Variants in RERE observed in about 807,000 individuals in gnomAD.
RERE encodes the protein arginine-glutamic acid dipeptide repeats.
RERE carries 40 observed loss-of-function variants against 146.1 expected under a neutral mutation model. The observed-to-expected ratio is 0.27, with a 90% CI of 0.21 to 0.36. RERE has a LOEUF of 0.36. Among genes scored for constraint, RERE ranks in the 10% least tolerant of loss-of-function variants. The probability of loss-of-function intolerance (pLI) is 1.00; values close to 1 mark genes in which losing one functional copy is unlikely to be tolerated. For missense variants in RERE, 1,933 were observed against 2,138.7 expected (o/e 0.90, Z 1.90); for synonymous variants, 1,003 against 866.0 (o/e 1.16, Z -2.78).
chr1:8,530,695 T>TTTC (rs1415546935), intron 7 of RERE, among the ~76,000 whole-genome samples: 2 of 142,744 alleles, frequency 1.4e-5, no homozygotes, highest in Non-Finnish European at 3.1e-5. Flanking sequence ...TTTTTTTTTT[T>TTTC]TTTTTTTGAG....
intron 12 of RERE, among the ~76,000 whole-genome samples, chr1:8,417,547 A>G (rs1239818921): frequency 6.6e-6 from 1 of 152,234 alleles, no homozygotes; most frequent in Non-Finnish European, 1.5e-5. Context: ...GAGAAAATGA[A>G]GATAGAAGGC....
intron 1 of RERE, among the ~76,000 whole-genome samples, chr1:8,720,307 C>T (rs1639837996): frequency 1.3e-5 from 2 of 151,608 alleles, no homozygotes; most frequent in Admixed American, 1.3e-4. Flanking sequence ...TAGAATACAT[C>T]TATGAACAAA....
chr1:8,554,833 A>G (rs61783647), intron 6 of RERE, among the ~76,000 whole-genome samples: 2,723 of 150,620 alleles, frequency 0.018, 45 homozygotes, highest in Non-Finnish European at 0.028. Context: ...TTAAGTCACC[A>G]GTCCCAGCTA....
At chr1:8,395,772 A>C (rs1643033436) in intron 12 of RERE, among the ~76,000 whole-genome samples, 1 of 152,122 alleles carries the variant, frequency 6.6e-6, no homozygotes, top group South Asian at 2.1e-4. Context: ...ACCAAAACCA[A>C]AACCACCACC....
At chr1:8,707,762 T>C (rs538791644) in intron 1 of RERE, among the ~76,000 whole-genome samples, 16 of 152,290 alleles carry the variant, frequency 1.1e-4, no homozygotes, top group Non-Finnish European at 1.9e-4. Flanking sequence ...TAGTACCAGT[T>C]AGCTATGTCC....
chr1:8,761,750 G>A (rs571743179), intron 1 of RERE, among the ~76,000 whole-genome samples: 1 of 151,788 alleles, frequency 6.6e-6, no homozygotes, highest in African/African-American at 2.4e-5. Flanking sequence ...AAACTCCCCC[G>A]TCTCTACTAA....
intron 10 of RERE, among the ~76,000 whole-genome samples, chr1:8,494,558 C>A (rs1336969985): frequency 6.6e-6 from 1 of 151,990 alleles, no homozygotes; most frequent in East Asian, 1.9e-4. Flanking sequence ...AACCCCGTCT[C>A]TACTAAAAAT....
intron 1 of RERE, chr1:8,798,562 G>A (rs1226041111): frequency 4.6e-6 from 1 of 217,882 alleles, no homozygotes; most frequent in Non-Finnish European, 9.9e-6. Context: ...TCATCATGAA[G>A]AACACTGATG....
At chr1:8,535,044 G>A (rs954757173) in intron 7 of RERE, among the ~76,000 whole-genome samples, 1 of 152,072 alleles carries the variant, frequency 6.6e-6, no homozygotes, top group Non-Finnish European at 1.5e-5. Context: ...GATCACTGAG[G>A]GGGGAGGGAG....
At chr1:8,759,246 A>C (rs898687750) in intron 1 of RERE, among the ~76,000 whole-genome samples, 1 of 152,268 alleles carries the variant, frequency 6.6e-6, no homozygotes, top group Non-Finnish European at 1.5e-5. Context: ...CTCTTCTGAC[A>C]CATTAACTGT....
Position 8,364,152 on chromosome 1 carries a change from G to T in RERE, c.1644C>A (p.Pro548=). 6.2e-7 allele frequency: 1 copy of T among 1,614,100 alleles called. No individual in the cohort carries two copies. Among genetic ancestry groups the T allele is most frequent in the East Asian group, 2.2e-5 (1 of 44,866 alleles). The change falls in exon 15 of 23, where the codon CCC becomes CCA. Residue 548 remains proline, a synonymous_variant. Coordinates refer to ENST00000400908, the MANE Select transcript of RERE (RefSeq NM_001042681.2). The surrounding 1 kb of genome is among the most constrained non-coding windows in gnomAD (Gnocchi z 5.1). ...TGAACATAAACGGTGGCGGGTCCACGGGCTTCTCAATGGGCGGGAGCTCAC... is the reference window on the plus strand; with the variant it reads ...TGAACATAAACGGTGGCGGGTCCACTGGCTTCTCAATGGGCGGGAGCTCAC... ...KYGELPPIEK[P]VDPPPFMFKP...
At chr1:8,711,388 C>T (rs1639665742) in intron 1 of RERE, among the ~76,000 whole-genome samples, 1 of 152,132 alleles carries the variant, frequency 6.6e-6, no homozygotes, top group Non-Finnish European at 1.5e-5. Context: ...GCAGCCGTCT[C>T]ATGGATGTAG....
At chr1:8,714,881 AT>A (rs911380281) in intron 1 of RERE, among the ~76,000 whole-genome samples, 19 of 148,770 alleles carry the variant, frequency 1.3e-4, no homozygotes, top group African/African-American at 2.2e-4. Flanking sequence ...TCATACCACA[AT>A]TTTTTTTTTT....
At chr1:8,576,935 C>T (rs1232401878) in intron 4 of RERE, among the ~76,000 whole-genome samples, 1 of 152,018 alleles carries the variant, frequency 6.6e-6, no homozygotes, top group Non-Finnish European at 1.5e-5. Context: ...TGTGGGAGGC[C>T]GAGGCAGGCA....
At chr1:8,366,768 T>C (rs1201915814) in intron 12 of RERE, among the ~76,000 whole-genome samples, 1 of 152,028 alleles carries the variant, frequency 6.6e-6, no homozygotes, top group Non-Finnish European at 1.5e-5. Flanking sequence ...TTTGGAAATA[T>C]AGCAAATGTA....
intron 2 of RERE, among the ~76,000 whole-genome samples, chr1:8,645,282 T>C (rs1183822579): frequency 6.6e-6 from 1 of 152,192 alleles, no homozygotes; most frequent in Non-Finnish European, 1.5e-5. Context: ...GGCCAGAATG[T>C]AATTCTGCAG....
intron 11 of RERE, among the ~76,000 whole-genome samples, chr1:8,457,844 C>G (rs1048134719): frequency 7.2e-5 from 11 of 152,024 alleles, no homozygotes; most frequent in Non-Finnish European, 1.5e-4. Flanking sequence ...CACTTGATCT[C>G]CCTGCCTCCG....
Position 8,360,846 on chromosome 1 carries a change from G to A in RERE, c.2661C>T (p.Thr887=), listed in dbSNP as rs1641541990. 1.3e-6 allele frequency: 2 copies of A among 1,539,234 alleles called. No individual in the cohort carries two copies. The highest frequency in any genetic ancestry group is 2.0e-5 in the Admixed American group (1 of 51,044). Residue 887 remains threonine (T), a synonymous_variant, in exon 18 of 23, where the codon ACC becomes ACT. Coordinates refer to ENST00000400908, the MANE Select transcript of RERE (RefSeq NM_001042681.2). The part of the protein sequence containing the change: ...QASQGQAPLG[T]SPAAAYPHTS... ...TGTGAGGGTACGCTGCTGCTGGGGAGGTCCCCAGAGGGGCCTGGCCTTGGG... is the reference window on the plus strand; with the variant it reads ...TGTGAGGGTACGCTGCTGCTGGGGAAGTCCCCAGAGGGGCCTGGCCTTGGG...
chr1:8,593,475 G>C (rs1646518714), intron 4 of RERE, among the ~76,000 whole-genome samples: 2 of 152,200 alleles, frequency 1.3e-5, no homozygotes, highest in Admixed American at 1.3e-4. Flanking sequence ...CTGCCACCAT[G>C]TAAAACATGA....
Sources: gnomAD v4.1 joint callset for allele counts (sites outside exome capture counted in the v4.1 genomes callset) on GRCh38, gnomAD v4.1.1 for gene constraint, Gnocchi (gnomAD v3.1) non-coding constraint, MANE v1.5 for transcripts, NCBI Gene and HGNC (gene_info 2026-07-23, HGNC 2026-07-21) for gene names.